Variants in ITGA2 observed in about 807,000 individuals in gnomAD.
The protein encoded by ITGA2 is integrin subunit alpha 2, also known as integrin alpha-2.
A neutral mutation model predicts 146.3 loss-of-function variants in ITGA2; 101 were observed. The observed-to-expected ratio is 0.69, with a 90% confidence interval of 0.59 to 0.81. The LOEUF (loss-of-function observed/expected upper bound fraction) is 0.81. Ranked by LOEUF, ITGA2 falls within the 40% of genes least tolerant of loss-of-function variation. The pLI, the probability that ITGA2 is intolerant of heterozygous loss-of-function variation, is 0.00. For missense variants in ITGA2, 1,281 were observed against 1,402.7 expected (o/e 0.91, Z 1.39); for synonymous variants, 477 against 487.1 (o/e 0.98, Z 0.27).
intron 19 of ITGA2, among the ~76,000 whole-genome samples, chr5:53,072,896 G>T (rs562959729): frequency 6.6e-6 from 1 of 151,710 alleles, no homozygotes; most frequent in Non-Finnish European, 1.5e-5. Flanking sequence ...TATTTAAATG[G>T]TTCCATTCCC....
chr5:53,061,421 T>G (rs928998182), intron 12 of ITGA2, among the ~76,000 whole-genome samples: 9 of 152,066 alleles, frequency 5.9e-5, no homozygotes, highest in African/African-American at 2.2e-4. Flanking sequence ...ATGTAACCAC[T>G]GCTTTGTAGG....
At chr5:53,035,910 A>C (rs917178113) in intron 2 of ITGA2, among the ~76,000 whole-genome samples, 1 of 152,198 alleles carries the variant, frequency 6.6e-6, no homozygotes, top group East Asian at 1.9e-4. Context: ...CAAACTTAAA[A>C]TATCTCACAG....
chr5:53,086,997 A>G lies in ITGA2; in HGVS notation c.3304A>G (p.Thr1102Ala). Residue 1102 changes from threonine (T) to alanine (A), a missense_variant, in exon 28 of 30, where the codon ACC (threonine) becomes GCC (alanine). By Grantham distance (58) the Thr-to-Ala change is moderately conservative. Around this residue, in one of 3 missense-constraint regions of ITGA2, gnomAD observed 475 missense variants for 530.5 expected, o/e 0.90. Transcript: ENST00000296585. ...VQLTAAAEIN[T>A]YNPEIYVIED... is the part of the protein sequence containing the mutation. ...GCTAACGGCAGCTGCAGAAATCAACACCTATAACCCTGAGATATATGTGAT... is the reference window on the plus strand; with the variant it reads ...GCTAACGGCAGCTGCAGAAATCAACGCCTATAACCCTGAGATATATGTGAT... The G allele has an allele frequency of 6.2e-7, 1 of 1,613,798 alleles. No individual in the cohort carries two copies. The highest frequency in any genetic ancestry group is 1.1e-5 in the South Asian group (1 of 91,078).
rs78437462 is a variant in ITGA2 at position 53,081,285 on chromosome 5, T to C, written c.3040-307T>C. Reference sequence around the variant, plus strand: ...GTGTGCATAGGAGGCTACAGAAAAATCAAAATCCTAAAATGTTCCAGAGAA... The same window carrying C: ...GTGTGCATAGGAGGCTACAGAAAAACCAAAATCCTAAAATGTTCCAGAGAA... On this transcript the variant is annotated intron_variant, in intron 25 of 29. Coordinates refer to ENST00000296585, the MANE Select transcript of ITGA2 (RefSeq NM_002203.4). 6.3e-3 allele frequency among the ~76,000 whole-genome samples: 954 copies of C among 152,228 alleles called. 10 individuals carry two copies. Among genetic ancestry groups the C allele is most frequent in the African/African-American group, 0.022 (911 of 41,538 alleles).
intron 2 of ITGA2, among the ~76,000 whole-genome samples, chr5:53,028,078 C>CT (rs1277762695): frequency 8.7e-5 from 13 of 150,218 alleles, no homozygotes; most frequent in African/African-American, 3.2e-4. Context: ...AAGATCCTGT[C>CT]TCAAAAAAAA....
chr5:53,090,350 A>C (rs137895481), intron 29 of ITGA2, among the ~76,000 whole-genome samples, 169 bp from the exon 30 acceptor site: 73 of 152,258 alleles, frequency 4.8e-4, no homozygotes, highest in African/African-American at 1.5e-3. Context: ...TCTGGATATA[A>C]ATTTCCTTCT....
intron 16 of ITGA2, among the ~76,000 whole-genome samples, chr5:53,069,309 T>C (rs1053348551): frequency 4.0e-5 from 6 of 151,850 alleles, no homozygotes; most frequent in African/African-American, 1.4e-4. Flanking sequence ...TTTTTTTTCA[T>C]GAGTTGGTAT....
In ITGA2 at chr5:53,094,744, A is replaced by AAAAT. The variant is rs1437016868; in HGVS notation, c.*4149_*4152dup. 6 of 152,236 alleles carry AAAAT rather than the reference A, an allele frequency of 3.9e-5. No homozygotes were observed. The highest frequency in any genetic ancestry group is 8.8e-5 in the Non-Finnish European group (6 of 68,042). 9.4% of individuals were successfully genotyped at this position (152,236 alleles called of 1,614,324 possible). A position where few individuals can be genotyped will look rare whatever the true frequency, so the allele number is the denominator to read the frequency against. Reference sequence around the variant, plus strand: ...ATTGAATATTGTTACAATTGTTTTGAAAATAAAGCCATTTTCTTTGGGCTT... The same window carrying AAAAT: ...ATTGAATATTGTTACAATTGTTTTGAAAATAAATAAAGCCATTTTCTTTGGGCTT... On this transcript the variant is annotated 3_prime_UTR_variant, in exon 30 of 30. Coordinates refer to ENST00000296585, the MANE Select transcript of ITGA2 (RefSeq NM_002203.4).
intron 28 of ITGA2, 87 bp from the exon 29 acceptor site, chr5:53,089,859 C>T: frequency 2.4e-6 from 2 of 822,450 alleles, no homozygotes; most frequent in South Asian, 1.3e-5. Context: ...TGTAGACCTT[C>T]ACTTACAGAA....
intron 6 of ITGA2, among the ~76,000 whole-genome samples, chr5:53,049,114 C>T (rs1032060258): frequency 3.0e-4 from 46 of 151,988 alleles, no homozygotes; most frequent in Admixed American, 2.8e-3. Context: ...TGGGTTCAAG[C>T]GATTCTTTTG....
At chr5:53,043,148 G>A (rs983946529) in intron 3 of ITGA2, among the ~76,000 whole-genome samples, 13 of 151,872 alleles carry the variant, frequency 8.6e-5, no homozygotes, top group Admixed American at 7.2e-4. Context: ...TATTTAAGCA[G>A]GTTGTGGGTG....
At position 53,091,082 on chromosome 5, in the gene ITGA2, G is replaced by C. The variant is rs1034269446; in HGVS notation, c.*483G>C. 1.3e-5 allele frequency: 3 copies of C among 230,018 alleles called. No individual in the cohort carries two copies. Among genetic ancestry groups the C allele is most frequent in the Non-Finnish European group, 2.5e-5 (3 of 118,700 alleles). 14.2% of individuals were successfully genotyped at this position (230,018 alleles called of 1,614,324 possible). A position where few individuals can be genotyped will look rare whatever the true frequency, so the allele number is the denominator to read the frequency against. ...ATGAATATTGATGTTAACAAGAGGGGAAAACAAAACACAGGTTTTTTCAAT... is the reference window on the plus strand; with the variant it reads ...ATGAATATTGATGTTAACAAGAGGGCAAAACAAAACACAGGTTTTTTCAAT... On this transcript the variant is annotated 3_prime_UTR_variant, in exon 30 of 30. Coordinates refer to ENST00000296585, the MANE Select transcript of ITGA2 (RefSeq NM_002203.4).
intron 13 of ITGA2, among the ~76,000 whole-genome samples, chr5:53,063,925 A>G (rs1452083855): frequency 6.6e-6 from 1 of 151,876 alleles, no homozygotes; most frequent in Non-Finnish European, 1.5e-5. Context: ...TACCGTGTCA[A>G]ACGCAGTAAA....
In ITGA2 at chr5:53,078,854, A is replaced by C. The variant is rs750226914; in HGVS notation, c.2908A>C (p.Lys970Gln). ...GCACAGTTTTGAAGATGTTGGTCCA[A>C]AATTCATCTTCTCCCTGAAGGTTGG... is the stretch of plus-strand genomic sequence containing the variant. Reference protein sequence around the residue: ...IVHSFEDVGPKFIFSLKVTTG... With the variant: ...IVHSFEDVGPQFIFSLKVTTG... Residue 970 changes from lysine to glutamine, a missense_variant, in exon 24 of 30, where the codon AAA becomes CAA. Coordinates refer to ENST00000296585, the MANE Select transcript of ITGA2 (RefSeq NM_002203.4). 1 of 1,604,242 alleles carries C rather than the reference A, an allele frequency of 6.2e-7. No homozygotes were observed.
chr5:53,025,822 CAG>C lies in ITGA2; in HGVS notation c.65-919_65-918del, dbSNP rs377073886. Among the ~76,000 whole-genome samples the C allele has an allele frequency of 1.2e-3, 180 of 152,302 alleles. 2 individuals are homozygous for C. In the South Asian group the frequency reaches 0.027, roughly 23 times the overall value. On this transcript the variant is annotated intron_variant, in intron 1 of 29. Transcript: ENST00000296585. ...GCAACATGAGGCATATTCCCATCTC[CAG>C]AGAGAGCATTAATATCCACACAACC... is the stretch of plus-strand genomic sequence containing the variant.
chr5:53,030,995 C>T (rs1005844523), intron 2 of ITGA2, among the ~76,000 whole-genome samples: 3 of 152,214 alleles, frequency 2.0e-5, no homozygotes, highest in Admixed American at 1.3e-4. Context: ...TATCCCATTA[C>T]AGTGCTAGAG....
rs1740492415 is a variant in ITGA2 at position 53,092,784 on chromosome 5, G to GC, written c.*2186dup. 6.6e-6 allele frequency: 1 copy of GC among 152,178 alleles called. No homozygotes were observed. The highest frequency in any genetic ancestry group is 1.5e-5 in the Non-Finnish European group (1 of 68,074). The allele number at this position is 152,178 out of a possible 1,614,324, so 9.4% of individuals were successfully genotyped here. A position where few individuals can be genotyped will look rare whatever the true frequency, so the allele number is the denominator to read the frequency against. ...GTTCAAGTCCAGCCTAAGCAACATA[G>GC]CAAGACCCTGTCTCAAAAAAATGAC... On this transcript the variant is annotated 3_prime_UTR_variant, in exon 30 of 30. Transcript: ENST00000296585.
chr5:53,079,939 C>G (rs1745837063), intron 24 of ITGA2, among the ~76,000 whole-genome samples: 1 of 152,026 alleles, frequency 6.6e-6, no homozygotes, highest in African/African-American at 2.4e-5. Context: ...AACAGAAACC[C>G]CCACCCATGA....
At chr5:53,022,696 A>C (rs1248769686) in intron 1 of ITGA2, among the ~76,000 whole-genome samples, 1 of 152,108 alleles carries the variant, frequency 6.6e-6, no homozygotes, top group African/African-American at 2.4e-5. Context: ...CCTCCCAAGT[A>C]GCTGGAACTA....
Sources: allele counts gnomAD v4.1 joint callset (sites outside exome capture counted in the v4.1 genomes callset), GRCh38; gene constraint gnomAD v4.1.1; regional missense constraint gnomAD v4.1.1; transcripts MANE v1.5; gene names NCBI Gene and HGNC (gene_info 2026-07-23, HGNC 2026-07-21).